The following NRXN1 variants were observed in gnomAD, a reference collection of about 807,000 sequenced individuals.
NRXN1 encodes neurexin 1.
NRXN1 carries 39 observed loss-of-function variants against 150.9 expected under a neutral mutation model. The observed-to-expected ratio is 0.26, with a 90% CI of 0.20 to 0.34. NRXN1 has a LOEUF of 0.34. Ranked by LOEUF, NRXN1 falls within the 10% of genes least tolerant of loss-of-function variation. The pLI is 1.00. For missense variants in NRXN1, 1,815 were observed against 1,949.9 expected (o/e 0.93, Z 1.30); for synonymous variants, 924 against 757.0 (o/e 1.22, Z -3.62).
At chr2:50,377,190 C>CCAT (rs1388553312) in intron 17 of NRXN1, among the ~76,000 whole-genome samples, 1 of 151,974 alleles carries the variant, frequency 6.6e-6, no homozygotes. Context: ...ACCTATCAAC[C>CCAT]CATCACCTAG....
At chr2:51,024,969 A>C (rs1670200680) in intron 2 of NRXN1, among the ~76,000 whole-genome samples, 1 of 152,134 alleles carries the variant, frequency 6.6e-6, no homozygotes, top group Non-Finnish European at 1.5e-5. Context: ...ATCTATCCCT[A>C]GCCATTAATA....
At chr2:50,183,606 T>C (rs1034106084) in intron 18 of NRXN1, among the ~76,000 whole-genome samples, 1 of 151,324 alleles carries the variant, frequency 6.6e-6, no homozygotes, top group Non-Finnish European at 1.5e-5. Context: ...TCAACCTGGG[T>C]AATGTGGACC....
At chr2:50,567,253 G>C (rs780322327) in intron 8 of NRXN1, among the ~76,000 whole-genome samples, 8 of 152,144 alleles carry the variant, frequency 5.3e-5, no homozygotes, top group Non-Finnish European at 1.0e-4. Context: ...TTTAACACTA[G>C]GATGAATAAC....
At chr2:50,457,200 A>T (rs1298578827) in intron 17 of NRXN1, among the ~76,000 whole-genome samples, 1 of 152,170 alleles carries the variant, frequency 6.6e-6, no homozygotes, top group Non-Finnish European at 1.5e-5. Flanking sequence ...ACTCATCTGT[A>T]GAAGTGCCAA....
chr2:50,022,235 G>C (rs1558711778), intron 21 of NRXN1, among the ~76,000 whole-genome samples: 1 of 152,214 alleles, frequency 6.6e-6, no homozygotes, highest in Non-Finnish European at 1.5e-5. Context: ...GCCCGCCTCA[G>C]CCTCCCAAAG....
intron 18 of NRXN1, among the ~76,000 whole-genome samples, chr2:50,204,483 T>A (rs1356522075): frequency 1.3e-5 from 2 of 152,030 alleles, no homozygotes; most frequent in African/African-American, 4.8e-5. Context: ...AGTTGTTTAT[T>A]TCCATGAGCT....
chr2:50,495,380 GGTGTGT>G lies in NRXN1; in HGVS notation c.3070+519_3070+524del, dbSNP rs1157611088. Among the ~76,000 whole-genome samples the G allele has an allele frequency of 8.4e-4, 15 of 17,782 alleles. 1 individual carries two copies. In the South Asian group the frequency reaches 0.013, roughly 16 times the overall value. 11.7% of individuals were successfully genotyped at this position (17,782 alleles called of 152,430 possible). A position where few individuals can be genotyped will look rare whatever the true frequency, so the allele number is the denominator to read the frequency against. ...TGTGTGTGTGTGTGTGTGTGTGTGT[GGTGTGT>G]GTGTGTGTGTGTGTGTGTGTGTGTG... On this transcript the variant is annotated intron_variant, in intron 15 of 22. Transcript: ENST00000401669.
chr2:50,164,618 AG>A (rs1485428479), intron 18 of NRXN1, among the ~76,000 whole-genome samples: 1 of 152,190 alleles, frequency 6.6e-6, no homozygotes, highest in Non-Finnish European at 1.5e-5. Context: ...AGGACCAAGA[AG>A]AAATAAATAC....
intron 2 of NRXN1, among the ~76,000 whole-genome samples, chr2:51,025,289 T>C (rs1043247325): frequency 3.9e-5 from 6 of 152,190 alleles, no homozygotes; most frequent in African/African-American, 1.4e-4. Flanking sequence ...CACTACACTG[T>C]TCAATTATGC....
chr2:50,718,929 C>T (rs2105103331), intron 5 of NRXN1, among the ~76,000 whole-genome samples: 1 of 151,858 alleles, frequency 6.6e-6, no homozygotes, highest in African/African-American at 2.4e-5. Context: ...CAAACCTCTG[C>T]TTTAGGATGC....
chr2:50,332,242 G>A (rs186776673), intron 17 of NRXN1, among the ~76,000 whole-genome samples: 5 of 152,270 alleles, frequency 3.3e-5, no homozygotes, highest in African/African-American at 1.2e-4. Flanking sequence ...CTGACTAACA[G>A]ACTGAACATA....
At chr2:50,577,809 G>A (rs1156540964) in intron 8 of NRXN1, among the ~76,000 whole-genome samples, 4 of 151,996 alleles carry the variant, frequency 2.6e-5, no homozygotes, top group African/African-American at 9.7e-5. Flanking sequence ...AGTGATATAT[G>A]TGTTGGGAAG....
At chr2:50,515,193 CA>C (rs1329767872) in intron 12 of NRXN1, among the ~76,000 whole-genome samples, 2 of 152,162 alleles carry the variant, frequency 1.3e-5, no homozygotes, top group East Asian at 1.9e-4. Context: ...ACTGCACATG[CA>C]AGGGATCTAG....
intron 2 of NRXN1, among the ~76,000 whole-genome samples, chr2:51,004,827 C>A (rs1197509801): frequency 1.3e-5 from 2 of 151,728 alleles, no homozygotes; most frequent in African/African-American, 4.8e-5. Flanking sequence ...AAGGTTACTG[C>A]TAAGTTTGAA....
At chr2:50,487,840 T>G (rs574853305) in intron 15 of NRXN1, among the ~76,000 whole-genome samples, 2 of 152,286 alleles carry the variant, frequency 1.3e-5, no homozygotes, top group South Asian at 4.1e-4. Context: ...ATGAGTCTGG[T>G]TAGGACCCTC....
rs893978977 is a variant in NRXN1 at position 50,997,671 on chromosome 2, G to A, written c.772+29831C>T. 6.5e-5 allele frequency among the ~76,000 whole-genome samples: 9 copies of A among 138,242 alleles called. 1 individual carries two copies. Among genetic ancestry groups the A allele is most frequent in the Non-Finnish European group, 1.1e-4 (7 of 66,364 alleles). 90.7% of individuals were successfully genotyped at this position (138,242 alleles called of 152,430 possible). A position where few individuals can be genotyped will look rare whatever the true frequency, so the allele number is the denominator to read the frequency against. ...TACAGGTGCACACTACCACACCCAG[G>A]TAATTAAAAAAAAAAATTATCTGGA... On this transcript the variant is annotated intron_variant, in intron 2 of 22. Coordinates refer to ENST00000401669, the MANE Select transcript of NRXN1 (RefSeq NM_001330078.2).
At chr2:50,811,078 T>G (rs1668152264) in intron 5 of NRXN1, among the ~76,000 whole-genome samples, 1 of 152,108 alleles carries the variant, frequency 6.6e-6, no homozygotes, top group South Asian at 2.1e-4. Context: ...GGGGAAGAGT[T>G]TTACATATAT....
chr2:50,547,332 C>T (rs2093517230), intron 9 of NRXN1: 2 of 151,932 alleles, frequency 1.3e-5, no homozygotes, highest in South Asian at 4.1e-4. Context: ...ATAAGACTGG[C>T]AGTTTGCTAT....
intron 21 of NRXN1, among the ~76,000 whole-genome samples, chr2:49,974,826 TATCA>T (rs1054186465): frequency 1.1e-4 from 17 of 152,004 alleles, no homozygotes; most frequent in African/African-American, 4.1e-4. Context: ...TATGCCATTT[TATCA>T]ATCATTAAAA....
Sources: allele counts gnomAD v4.1 joint callset (sites outside exome capture counted in the v4.1 genomes callset), GRCh38; gene constraint gnomAD v4.1.1; transcripts MANE v1.5; gene names NCBI Gene and HGNC (gene_info 2026-07-23, HGNC 2026-07-21).